Variants in CCDC171 observed in about 807,000 individuals in gnomAD.
CCDC171 encodes coiled-coil domain-containing protein 171.
CCDC171 carries 177 observed loss-of-function variants against 168.2 expected under a neutral mutation model. The observed-to-expected ratio is 1.05, with a 90% CI of 0.93 to 1.19. The LOEUF (loss-of-function observed/expected upper bound fraction) is 1.19. Ranked by LOEUF, CCDC171 falls within the 50% of genes most tolerant of loss-of-function variation. The probability of loss-of-function intolerance (pLI) is 0.00; values close to 1 mark genes in which losing one functional copy is unlikely to be tolerated. For synonymous variants in CCDC171, 687 were observed against 540.8 expected (o/e 1.27, Z -3.75); for missense variants, 1,991 against 1,539.0 (o/e 1.29, Z -4.91).
At chr9:16,081,616 A>C in the CCDC171 span, among the ~76,000 whole-genome samples, 6 of 152,344 alleles carry the variant, frequency 3.9e-5, no homozygotes, top group South Asian at 1.2e-3. Context: ...AACAGAGCCC[A>C]GGCTATGATG....
intron 21 of CCDC171, among the ~76,000 whole-genome samples, chr9:15,839,929 C>G (rs1477640713): frequency 6.6e-6 from 1 of 151,846 alleles, no homozygotes; most frequent in Non-Finnish European, 1.5e-5. Context: ...ACATTTAAGT[C>G]TAAAATAACC....
chr9:15,635,262 C>G (rs1001144337), intron 7 of CCDC171, among the ~76,000 whole-genome samples: 2 of 152,092 alleles, frequency 1.3e-5, no homozygotes, highest in African/African-American at 4.8e-5. Context: ...AGTCTGTGGT[C>G]GAAGGCCTGA....
chr9:15,641,326 A>C (rs550755742), intron 7 of CCDC171, among the ~76,000 whole-genome samples: 2 of 152,338 alleles, frequency 1.3e-5, no homozygotes, highest in East Asian at 1.9e-4. Flanking sequence ...TTGGTGGACT[A>C]AATTTCATAT....
chr9:15,878,705 A>G (rs188357929), intron 24 of CCDC171, among the ~76,000 whole-genome samples: 116 of 151,450 alleles, frequency 7.7e-4, no homozygotes, highest in African/African-American at 2.4e-3. Flanking sequence ...ACTAGTCACA[A>G]TAGCAAAACA....
chr9:15,884,706 C>A (rs1370789990), intron 24 of CCDC171, among the ~76,000 whole-genome samples: 1 of 152,142 alleles, frequency 6.6e-6, no homozygotes, highest in African/African-American at 2.4e-5. Context: ...CCACTGTTCC[C>A]TCATCTGTAA....
intron 1 of CCDC171, among the ~76,000 whole-genome samples, chr9:16,060,169 C>T (rs1833909576): frequency 6.6e-6 from 1 of 152,064 alleles, no homozygotes; most frequent in Non-Finnish European, 1.5e-5. Flanking sequence ...AGTGGCTGGA[C>T]CTGCACTCAG....
At chr9:15,642,289 G>C (rs549884510) in intron 7 of CCDC171, among the ~76,000 whole-genome samples, 2 of 139,088 alleles carry the variant, frequency 1.4e-5, no homozygotes, top group African/African-American at 5.3e-5. Flanking sequence ...ATGTGTGTGT[G>C]TATATATATA....
At chr9:15,910,611 T>C (rs1823481972) in intron 24 of CCDC171, among the ~76,000 whole-genome samples, 1 of 152,188 alleles carries the variant, frequency 6.6e-6, no homozygotes, top group Non-Finnish European at 1.5e-5. Flanking sequence ...GTTTGTTACA[T>C]AGGTATACCT....
In CCDC171 at chr9:15,666,291, T is replaced by A; in HGVS notation, c.1044T>A (p.His348Gln). ...EVESAYEREKHNAQESFAKLN... is the reference protein window; with the variant it reads ...EVESAYEREKQNAQESFAKLN... Reference sequence around the variant, plus strand: ...AAAGTGCATATGAGCGAGAAAAGCATAATGCACAAGAGAGCTTTGCAAAAC... The same window carrying A: ...AAAGTGCATATGAGCGAGAAAAGCAAAATGCACAAGAGAGCTTTGCAAAAC... The change falls in exon 9 of 26, where the codon CAT becomes CAA. Residue 348 changes from histidine (H) to glutamine (Q), a missense_variant. Transcript: ENST00000380701. 6.2e-7 allele frequency: 1 copy of A among 1,613,528 alleles called. No individual in the cohort carries two copies. The highest frequency in any genetic ancestry group is 8.5e-7 in the Non-Finnish European group (1 of 1,179,594).
chr9:15,789,548 C>A (rs1564409713), intron 21 of CCDC171, among the ~76,000 whole-genome samples: 2 of 152,058 alleles, frequency 1.3e-5, no homozygotes, highest in African/African-American at 4.8e-5. Context: ...CCTTCAGAAG[C>A]CAACAAAGAG....
At chr9:15,562,002 C>CTT (rs559114384) in intron 1 of CCDC171, among the ~76,000 whole-genome samples, 1 of 148,580 alleles carries the variant, frequency 6.7e-6, no homozygotes, top group Non-Finnish European at 1.5e-5. Context: ...CATTTTGCTT[C>CTT]TTTTTTTTTT....
At position 15,922,090 on chromosome 9, in the gene CCDC171, C is replaced by T. The variant is rs778030694; in HGVS notation, c.3753+1668C>T. 19 of 280,082 alleles carry T rather than the reference C, an allele frequency of 6.8e-5. No homozygotes were observed. In the East Asian group the frequency reaches 1.0e-3, roughly 15 times the overall value. 17.3% of individuals were successfully genotyped at this position (280,082 alleles called of 1,614,324 possible). A position where few individuals can be genotyped will look rare whatever the true frequency, so the allele number is the denominator to read the frequency against. On this transcript the variant is annotated intron_variant, in intron 25 of 25. Transcript: ENST00000380701. ...AAAACTCTACTTTTCAACACTTTTT[C>T]CCCTTTGAACATATCTACAGGATAC...
the CCDC171 span, among the ~76,000 whole-genome samples, chr9:16,089,542 G>A: frequency 6.6e-6 from 1 of 151,448 alleles, no homozygotes; most frequent in African/African-American, 2.4e-5. Flanking sequence ...TCTATCTTGT[G>A]TTAATTTTTT....
chr9:16,081,053 C>G, the CCDC171 span, among the ~76,000 whole-genome samples: 560 of 152,302 alleles, frequency 3.7e-3, 2 homozygotes, highest in Middle Eastern at 0.017. Flanking sequence ...TAGGCTTACA[C>G]TTAGAAACAC....
intron 5 of CCDC171, among the ~76,000 whole-genome samples, 178 bp downstream of exon 5, chr9:15,591,734 G>T (rs866861766): frequency 8.6e-5 from 13 of 151,678 alleles, no homozygotes; most frequent in Non-Finnish European, 1.5e-4. Flanking sequence ...TATATTAATA[G>T]GTATACTTTT....
chr9:15,602,028 A>T (rs1394313207), intron 6 of CCDC171, among the ~76,000 whole-genome samples: 2 of 152,250 alleles, frequency 1.3e-5, no homozygotes, highest in Non-Finnish European at 2.9e-5. Flanking sequence ...TGAGGTGTAC[A>T]GAAAAATGTG....
At chr9:15,978,360 C>A (rs964544530), downstream of CCDC171, among the ~76,000 whole-genome samples, 1 of 152,158 alleles carries the variant, frequency 6.6e-6, no homozygotes, top group African/African-American at 2.4e-5. Context: ...CTGAAGTGTT[C>A]ATGGGTCCAA....
chr9:16,029,686 G>A (rs998660465), intron 6 of CCDC171, among the ~76,000 whole-genome samples: 9 of 152,202 alleles, frequency 5.9e-5, no homozygotes, highest in African/African-American at 2.2e-4. Flanking sequence ...GGGTTAGAGA[G>A]GAAAAGATAG....
At chr9:15,865,855 T>C (rs1427963566) in intron 23 of CCDC171, among the ~76,000 whole-genome samples, 1 of 147,096 alleles carries the variant, frequency 6.8e-6, no homozygotes, top group East Asian at 2.0e-4. Context: ...CGTGCGTGTG[T>C]GTGTGTGTGT....
Sources: gnomAD v4.1 joint callset for allele counts (sites outside exome capture counted in the v4.1 genomes callset) on GRCh38, gnomAD v4.1.1 for gene constraint, MANE v1.5 for transcripts, NCBI Gene and HGNC (gene_info 2026-07-23, HGNC 2026-07-21) for gene names.